SGCZ: variants seen among roughly 807,000 people sequenced by gnomAD.
SGCZ encodes zeta-sarcoglycan.
Under a neutral mutation model 41.3 loss-of-function variants are expected in SGCZ, and 40 were observed. The observed-to-expected ratio is 0.97, with a 90% CI of 0.75 to 1.26. The LOEUF is 1.26. Ranked by LOEUF, SGCZ falls within the 50% of genes most tolerant of loss-of-function variation. SGCZ has a pLI of 0.00. For synonymous variants in SGCZ, 206 were observed against 137.5 expected (o/e 1.50, Z -3.49); for missense variants, 552 against 369.8 (o/e 1.49, Z -4.04).
intron 4 of SGCZ, among the ~76,000 whole-genome samples, chr8:14,187,118 T>C (rs1804932628): frequency 6.6e-6 from 1 of 152,152 alleles, no homozygotes; most frequent in Non-Finnish European, 1.5e-5. Flanking sequence ...CTGTACCCTC[T>C]GAGGAACTGT....
chr8:14,535,457 T>C (rs1803265601), intron 2 of SGCZ, among the ~76,000 whole-genome samples: 1 of 151,878 alleles, frequency 6.6e-6, no homozygotes, highest in Non-Finnish European at 1.5e-5. Context: ...TGGATTTCAC[T>C]CGATTAGCAA....
At chr8:14,974,237 T>C (rs572827534) in intron 1 of SGCZ, among the ~76,000 whole-genome samples, 1 of 152,344 alleles carries the variant, frequency 6.6e-6, no homozygotes, top group African/African-American at 2.4e-5. Flanking sequence ...TAAAAACGTA[T>C]GTTGTAATTT....
At chr8:14,789,662 A>G (rs1800885705) in intron 1 of SGCZ, among the ~76,000 whole-genome samples, 2 of 152,126 alleles carry the variant, frequency 1.3e-5, no homozygotes, top group African/African-American at 4.8e-5. Context: ...ACCTTTGTAC[A>G]TGCAGCTTGT....
intron 1 of SGCZ, among the ~76,000 whole-genome samples, chr8:15,036,209 TAAAC>T (rs928294285): frequency 2.6e-5 from 4 of 152,054 alleles, no homozygotes; most frequent in African/African-American, 9.7e-5. Context: ...CTAGGATACA[TAAAC>T]AAATTGGATA....
chr8:15,175,088 C>T (rs777333214), intron 1 of SGCZ, among the ~76,000 whole-genome samples: 1 of 151,900 alleles, frequency 6.6e-6, no homozygotes, highest in Non-Finnish European at 1.5e-5. Flanking sequence ...ACATTCTGCA[C>T]GTGTATCCCA....
chr8:15,006,635 G>A (rs951787448), intron 1 of SGCZ, among the ~76,000 whole-genome samples: 4 of 152,118 alleles, frequency 2.6e-5, no homozygotes, highest in African/African-American at 9.7e-5. Context: ...AAAAATATAA[G>A]AAATCACAGG....
At chr8:14,620,814 A>G (rs1375706150) in intron 1 of SGCZ, among the ~76,000 whole-genome samples, 2 of 152,188 alleles carry the variant, frequency 1.3e-5, no homozygotes, top group Non-Finnish European at 2.9e-5. Context: ...GATGTGGAGA[A>G]ATAGGAACAC....
chr8:14,479,032 C>G (rs1337351377), intron 2 of SGCZ, among the ~76,000 whole-genome samples: 1 of 152,090 alleles, frequency 6.6e-6, no homozygotes, highest in African/African-American at 2.4e-5. Context: ...GGTTCTCCAG[C>G]GGGACAGGAT....
intron 2 of SGCZ, among the ~76,000 whole-genome samples, chr8:14,494,780 G>T (rs1181297185): frequency 6.6e-6 from 1 of 152,132 alleles, no homozygotes; most frequent in Non-Finnish European, 1.5e-5. Flanking sequence ...GCTTTCAGAT[G>T]GTTGTGTAGC....
At chr8:14,820,270 T>C (rs1802034673) in intron 1 of SGCZ, among the ~76,000 whole-genome samples, 1 of 151,950 alleles carries the variant, frequency 6.6e-6, no homozygotes, top group Non-Finnish European at 1.5e-5. Flanking sequence ...TGAAGAGACA[T>C]CATTATACAA....
chr8:14,717,305 G>A (rs1465089580), intron 1 of SGCZ, among the ~76,000 whole-genome samples: 1 of 152,056 alleles, frequency 6.6e-6, no homozygotes, highest in Non-Finnish European at 1.5e-5. Flanking sequence ...TCTTTCCTGT[G>A]TTAAGGTACA....
chr8:15,058,018 A>G (rs1396304695), intron 1 of SGCZ, among the ~76,000 whole-genome samples: 1 of 152,200 alleles, frequency 6.6e-6, no homozygotes, highest in East Asian at 1.9e-4. Context: ...CACAGATTCA[A>G]GGAGTCATTA....
chr8:14,237,481 T>G, intron 4 of SGCZ, 111 bp downstream of exon 4: 32 of 913,960 alleles, frequency 3.5e-5, no homozygotes, highest in Non-Finnish European at 5.4e-5. Flanking sequence ...AGACTCTGTC[T>G]CAAAACAACA....
chr8:14,602,659 C>A (rs1299962070), intron 1 of SGCZ, among the ~76,000 whole-genome samples: 1 of 152,120 alleles, frequency 6.6e-6, no homozygotes, highest in Non-Finnish European at 1.5e-5. Flanking sequence ...AATCTCTATA[C>A]CTTAGCTGAT....
chr8:14,408,442 T>C, intron 2 of SGCZ, among the ~76,000 whole-genome samples: 1 of 152,016 alleles, frequency 6.6e-6, no homozygotes, highest in East Asian at 1.9e-4. Flanking sequence ...ATGAAATAGA[T>C]CATCAGTCCT....
intron 1 of SGCZ, among the ~76,000 whole-genome samples, chr8:15,126,698 C>A (rs994473567): frequency 1.3e-5 from 2 of 152,124 alleles, no homozygotes; most frequent in African/African-American, 4.8e-5. Flanking sequence ...TGAGGCACAA[C>A]AGGAAGAGTG....
At chr8:14,783,409 G>A (rs537692193) in intron 1 of SGCZ, among the ~76,000 whole-genome samples, 3 of 151,294 alleles carry the variant, frequency 2.0e-5, no homozygotes, top group African/African-American at 7.3e-5. Context: ...ACTCCAGCCT[G>A]GGAGACAGAA....
chr8:14,694,995 C>A (rs1808910957), intron 1 of SGCZ, among the ~76,000 whole-genome samples: 1 of 152,022 alleles, frequency 6.6e-6, no homozygotes, highest in African/African-American at 2.4e-5. Context: ...TCCACATTTG[C>A]ACGGAATATG....
At chr8:14,761,753 G>A (rs749346361) in intron 1 of SGCZ, among the ~76,000 whole-genome samples, 1 of 151,856 alleles carries the variant, frequency 6.6e-6, no homozygotes, top group Non-Finnish European at 1.5e-5. Context: ...ACAAACTCCT[G>A]AACTCAAGTG....
Sources: gnomAD v4.1 joint callset for allele counts (sites outside exome capture counted in the v4.1 genomes callset) on GRCh38, gnomAD v4.1.1 for gene constraint, MANE v1.5 for transcripts, NCBI Gene and HGNC (gene_info 2026-07-23, HGNC 2026-07-21) for gene names.